FAM117B: variants seen among roughly 807,000 people sequenced by gnomAD.
FAM117B encodes the protein family with sequence similarity 117 member B.
In FAM117B, 22 loss-of-function variants were observed where a neutral mutation model predicts 52.8. The observed-to-expected ratio is 0.42, with a 90% CI of 0.30 to 0.59. The LOEUF (loss-of-function observed/expected upper bound fraction) is 0.59. Ranked by LOEUF, FAM117B falls within the 20% of genes least tolerant of loss-of-function variation. The pLI is 0.22. For missense variants in FAM117B, 678 were observed against 802.6 expected (o/e 0.84, Z 1.88); for synonymous variants, 309 against 324.1 (o/e 0.95, Z 0.50).
In FAM117B at chr2:202,768,154, C is replaced by T. The variant is rs1445495085; in HGVS notation, c.*2390C>T. 6.6e-6 allele frequency: 1 copy of T among 152,170 alleles called. No homozygotes were observed. The highest frequency in any genetic ancestry group is 2.4e-5 in the African/African-American group (1 of 41,442). 9.4% of individuals were successfully genotyped at this position (152,170 alleles called of 1,614,324 possible). ...ATCTGTGTTCTTGGCCTTGCACTTC[C>T]GTTCCTCTTCCATCTCTATCCCTGC... On this transcript the variant is annotated 3_prime_UTR_variant, in exon 8 of 8. Coordinates refer to ENST00000392238, the MANE Select transcript of FAM117B (RefSeq NM_173511.4).
intron 1 of FAM117B, among the ~76,000 whole-genome samples, chr2:202,659,766 T>A (rs1690102825): frequency 6.6e-6 from 1 of 151,638 alleles, no homozygotes; most frequent in Admixed American, 6.6e-5. Context: ...AGGCACACAC[T>A]ACCATGCCCA....
intron 1 of FAM117B, among the ~76,000 whole-genome samples, chr2:202,655,728 G>T (rs868670228): frequency 6.9e-6 from 1 of 145,946 alleles, no homozygotes; most frequent in African/African-American, 2.6e-5. Context: ...GAGAGAGAGA[G>T]AGAGAGAGAG....
chr2:202,687,669 C>G (rs1264731996), intron 1 of FAM117B, among the ~76,000 whole-genome samples: 1 of 152,164 alleles, frequency 6.6e-6, no homozygotes, highest in East Asian at 1.9e-4. Context: ...CTTCAGCCTC[C>G]CATAGCATTG....
intron 2 of FAM117B, among the ~76,000 whole-genome samples, chr2:202,718,451 A>G (rs969536377): frequency 3.3e-5 from 5 of 152,174 alleles, no homozygotes. Flanking sequence ...GCATCTATTG[A>G]AATGATCATA....
chr2:202,639,620 A>G (rs1689736490), intron 1 of FAM117B, among the ~76,000 whole-genome samples: 1 of 152,212 alleles, frequency 6.6e-6, no homozygotes, highest in Admixed American at 6.5e-5. Context: ...CTTTGGGTAG[A>G]CAGTTTGAGT....
rs1229250433 is a variant in FAM117B, at chr2:202,768,957, C to CT, written c.*3194dup. On this transcript the variant is annotated 3_prime_UTR_variant, in exon 8 of 8. Transcript: ENST00000392238. ...ATAAATTTACTGTTTCTGATCATGA[C>CT]TGAGTCTATTACTTGTCATGGCTTT... The CT allele has an allele frequency of 6.6e-6, 1 of 151,960 alleles. No individual in the cohort carries two copies. Among genetic ancestry groups the CT allele is most frequent in the African/African-American group, 2.4e-5 (1 of 41,372 alleles). 9.4% of individuals were successfully genotyped at this position (151,960 alleles called of 1,614,324 possible). A position where few individuals can be genotyped will look rare whatever the true frequency, so the allele number is the denominator to read the frequency against.
intron 1 of FAM117B, among the ~76,000 whole-genome samples, chr2:202,694,108 TGTTG>T (rs549727996): frequency 6.6e-6 from 1 of 151,934 alleles, no homozygotes; most frequent in Non-Finnish European, 1.5e-5. Context: ...ATGTATGAGG[TGTTG>T]GTTGGTACTT....
chr2:202,639,061 TA>T (rs948524221), intron 1 of FAM117B, among the ~76,000 whole-genome samples: 3 of 152,132 alleles, frequency 2.0e-5, no homozygotes, highest in Admixed American at 2.0e-4. Flanking sequence ...CCTTTTTCAT[TA>T]AAGGGAGGCT....
rs534706837 is a variant in FAM117B, at chr2:202,707,484, A to C, written c.753+11452A>C. 1.8e-3 allele frequency among the ~76,000 whole-genome samples: 277 copies of C among 152,054 alleles called. 3 individuals are homozygous for C. Among genetic ancestry groups the C allele is most frequent in the Admixed American group, 0.015 (233 of 15,284 alleles). ...TTTGGGAGGCCACGGTGGGTAGATC[A>C]CTTGAGCTCAGGAGTTCAAGACCAG... is the stretch of plus-strand genomic sequence containing the variant. On this transcript the variant is annotated intron_variant, in intron 2 of 7. Transcript: ENST00000392238.
chr2:202,766,031 C>A lies in FAM117B; in HGVS notation c.*267C>A. ...CTTTACCTTTGGAGAGACAATATCA[C>A]GTTTTTGTTTTCGAATTAGACTTCT... On this transcript the variant is annotated 3_prime_UTR_variant, in exon 8 of 8. Transcript: ENST00000392238. The A allele has an allele frequency of 2.6e-6, 1 of 384,046 alleles. No individual in the cohort carries two copies. The allele number at this position is 384,046 out of a possible 1,614,324, so 23.8% of individuals were successfully genotyped here.
At chr2:202,640,585 G>A (rs1054946320) in intron 1 of FAM117B, among the ~76,000 whole-genome samples, 1 of 151,502 alleles carries the variant, frequency 6.6e-6, no homozygotes, top group African/African-American at 2.4e-5. Flanking sequence ...AACATTTGGA[G>A]GATTGCTGCT....
chr2:202,726,486 A>G, intron 4 of FAM117B, 123 bp downstream of exon 4: 5 of 662,770 alleles, frequency 7.5e-6, no homozygotes, highest in Non-Finnish European at 1.3e-5. Context: ...AGTGATTTAA[A>G]TACTGAATCA....
At chr2:202,749,226 T>C (rs190281401) in intron 4 of FAM117B, among the ~76,000 whole-genome samples, 96 of 152,246 alleles carry the variant, frequency 6.3e-4, no homozygotes, top group African/African-American at 2.2e-3. Flanking sequence ...ACCCCAGGAA[T>C]TTATTCTAAG....
In FAM117B at chr2:202,671,224, A is replaced by T. The variant is rs192063291; in HGVS notation, c.602-24657A>T. 1.8e-3 allele frequency among the ~76,000 whole-genome samples: 273 copies of T among 152,334 alleles called. 3 individuals are homozygous for T. The highest frequency in any genetic ancestry group is 0.015 in the Admixed American group (231 of 15,304). On this transcript the variant is annotated intron_variant, in intron 1 of 7. Transcript: ENST00000392238. ...ACCAAAAGAAGACCCTGAGACAAGG[A>T]TTTGTTTGGTTCCAAATAGTTCATT...
intron 1 of FAM117B, among the ~76,000 whole-genome samples, chr2:202,657,711 C>T (rs1047497720): frequency 3.3e-5 from 5 of 151,728 alleles, no homozygotes; most frequent in African/African-American, 9.7e-5. Context: ...GTCTCGACCT[C>T]GTAGGCAAGT....
chr2:202,740,831 C>T (rs745836292), intron 4 of FAM117B, among the ~76,000 whole-genome samples: 1 of 151,566 alleles, frequency 6.6e-6, no homozygotes, highest in Non-Finnish European at 1.5e-5. Flanking sequence ...TCTCTAGTTA[C>T]AAAAAGAATC....
intron 4 of FAM117B, among the ~76,000 whole-genome samples, chr2:202,728,194 G>T (rs1691286131): frequency 6.6e-6 from 1 of 151,900 alleles, no homozygotes; most frequent in South Asian, 2.1e-4. Flanking sequence ...GGTCTGTGTT[G>T]CCCAAGCTGG....
At chr2:202,692,785 A>G (rs113692118) in intron 1 of FAM117B, among the ~76,000 whole-genome samples, 5,326 of 152,302 alleles carry the variant, frequency 0.035, 115 homozygotes, top group Middle Eastern at 0.071. Context: ...GTGTGAAGCA[A>G]TGAGAGGGCC....
At chr2:202,733,945 T>G (rs769407217) in intron 4 of FAM117B, among the ~76,000 whole-genome samples, 10 of 152,226 alleles carry the variant, frequency 6.6e-5, no homozygotes, top group African/African-American at 1.9e-4. Context: ...ATCTTCACAA[T>G]TTATGTTCAG....
Sources: allele counts gnomAD v4.1 joint callset (sites outside exome capture counted in the v4.1 genomes callset), GRCh38; gene constraint gnomAD v4.1.1; transcripts MANE v1.5; gene names NCBI Gene and HGNC (gene_info 2026-07-23, HGNC 2026-07-21).